The following GSE1 variants were observed in gnomAD, a reference collection of about 807,000 sequenced individuals.
The protein encoded by GSE1 is Gse1 coiled-coil protein, also known as genetic suppressor element 1.
GSE1 carries 32 observed loss-of-function variants against 112.6 expected under a neutral mutation model. The ratio of observed to expected loss-of-function variants is 0.28; its 90% CI spans 0.21 to 0.38. The LOEUF is 0.38. GSE1 is among the 10% of genes least tolerant of loss of function. The probability of loss-of-function intolerance (pLI) is 1.00; values close to 1 mark genes in which losing one functional copy is unlikely to be tolerated. For synonymous variants in GSE1, 1,115 were observed against 735.6 expected, an observed-to-expected ratio of 1.52 and a Z score of -8.35; for missense variants, 2,348 against 1,699.2, an observed-to-expected ratio of 1.38 and a Z score of -6.71.
At chr16:85,363,323 T>C (rs2047121910) in intron 2 of GSE1, among the ~76,000 whole-genome samples, 1 of 152,228 alleles carries the variant, frequency 6.6e-6, no homozygotes, top group African/African-American at 2.4e-5. Flanking sequence ...ATTGCCCCTT[T>C]GGGGCAGTCT....
chr16:85,296,724 G>A (rs1008411066), intron 1 of GSE1, among the ~76,000 whole-genome samples: 5 of 152,200 alleles, frequency 3.3e-5, no homozygotes, highest in African/African-American at 1.2e-4. Context: ...ACTGTGCACC[G>A]ATTCTTTCAG....
chr16:85,611,025 G>C (rs74031887), upstream of GSE1, among the ~76,000 whole-genome samples: 1 of 152,162 alleles, frequency 6.6e-6, no homozygotes, highest in Non-Finnish European at 1.5e-5. Flanking sequence ...TTCACCCCTG[G>C]CCCAAGGGCC....
intron 1 of GSE1, among the ~76,000 whole-genome samples, chr16:85,282,420 G>A (rs2151425025): frequency 6.6e-6 from 1 of 152,280 alleles, no homozygotes; most frequent in South Asian, 2.1e-4. Context: ...TCTCCTCCAG[G>A]TTTCTGAAAG....
intron 2 of GSE1, among the ~76,000 whole-genome samples, chr16:85,524,236 G>C (rs1475539499): frequency 6.6e-6 from 1 of 152,184 alleles, no homozygotes; most frequent in East Asian, 1.9e-4. Flanking sequence ...GATGTCAGCA[G>C]AGGTGACGCG....
intron 1 of GSE1, among the ~76,000 whole-genome samples, chr16:85,562,285 G>T (rs558238178): frequency 6.6e-6 from 1 of 152,296 alleles, no homozygotes; most frequent in South Asian, 2.1e-4. Context: ...TCCATCTGTC[G>T]GCTGGGAAAG....
intron 1 of GSE1, among the ~76,000 whole-genome samples, chr16:85,260,331 T>TC (rs1907554837): frequency 2.1e-5 from 3 of 142,718 alleles, no homozygotes; most frequent in African/African-American, 7.8e-5. Context: ...TTTTTTTTTT[T>TC]TTTTTTTTTT....
intron 2 of GSE1, among the ~76,000 whole-genome samples, chr16:85,488,300 G>A (rs940620659): frequency 6.6e-5 from 10 of 152,090 alleles, no homozygotes; most frequent in Admixed American, 2.0e-4. Flanking sequence ...TTGTCTGCCC[G>A]CCTCCGTTTA....
chr16:85,473,072 A>T (rs752949418), intron 2 of GSE1, among the ~76,000 whole-genome samples: 18 of 152,216 alleles, frequency 1.2e-4, no homozygotes, highest in Non-Finnish European at 2.2e-4. Context: ...GCAGGGCACA[A>T]GGGAGGCCTC....
intron 1 of GSE1, among the ~76,000 whole-genome samples, chr16:85,276,928 A>C (rs1053430896): frequency 6.6e-6 from 1 of 152,214 alleles, no homozygotes; most frequent in African/African-American, 2.4e-5. Flanking sequence ...GGTGCTGGGC[A>C]GCGTGGGTGG....
chr16:85,404,878 T>C lies in GSE1; in HGVS notation c.2464+47235T>C, dbSNP rs866046403. On this transcript the variant is annotated intron_variant, in intron 2 of 2. Coordinates refer to the GSE1 transcript ENST00000637419. ...TCAGGCCCCCCTGGATAATCCTCAC[T>C]GTTGCACTCAGGGCCCCCCGGATAA... is the stretch of plus-strand genomic sequence containing the variant. 2.5e-3 allele frequency among the ~76,000 whole-genome samples: 77 copies of C among 31,364 alleles called. 2 individuals carry two copies. Among genetic ancestry groups the C allele is most frequent in the African/African-American group, 0.012 (54 of 4,526 alleles). 20.6% of individuals were successfully genotyped at this position (31,364 alleles called of 152,430 possible).
At chr16:85,180,017 C>T (rs1024129658) in intron 1 of GSE1, among the ~76,000 whole-genome samples, 4 of 152,136 alleles carry the variant, frequency 2.6e-5, no homozygotes, top group Non-Finnish European at 2.9e-5. Flanking sequence ...CATGTGTTGG[C>T]GGGGGGCTGT....
upstream of GSE1, among the ~76,000 whole-genome samples, chr16:85,609,821 A>AT (rs925931992): frequency 1.1e-4 from 17 of 151,282 alleles, no homozygotes; most frequent in South Asian, 2.1e-4. Context: ...TGCAGGGCTA[A>AT]TTTTTTTTTG....
chr16:85,502,369 C>A (rs556712572), intron 2 of GSE1, among the ~76,000 whole-genome samples: 1 of 152,244 alleles, frequency 6.6e-6, no homozygotes, highest in Admixed American at 6.5e-5. Context: ...CCCTGAGCAC[C>A]GTCAGCTCAT....
At chr16:85,267,700 C>T (rs949909984) in intron 1 of GSE1, among the ~76,000 whole-genome samples, 2 of 152,202 alleles carry the variant, frequency 1.3e-5, no homozygotes, top group East Asian at 3.8e-4. Context: ...CTTTCCCTGA[C>T]CCCTGGGTTG....
chr16:85,614,211 C>T (rs1325457615), intron 1 of GSE1, among the ~76,000 whole-genome samples: 1 of 152,180 alleles, frequency 6.6e-6, no homozygotes, highest in East Asian at 1.9e-4. Context: ...CCTGGATGCG[C>T]CTCCCCGCCC....
At chr16:85,585,224 G>A (rs2046635839) in intron 1 of GSE1, among the ~76,000 whole-genome samples, 1 of 152,214 alleles carries the variant, frequency 6.6e-6, no homozygotes. Flanking sequence ...AGCCCTGCCT[G>A]CCCTGCTGTG....
intron 2 of GSE1, among the ~76,000 whole-genome samples, chr16:85,516,232 C>G (rs2051930947): frequency 6.6e-6 from 1 of 152,100 alleles, no homozygotes; most frequent in Non-Finnish European, 1.5e-5. Flanking sequence ...GGGCTGTGAT[C>G]TGGTGCCAGC....
At chr16:85,216,831 C>A (rs537546896) in intron 1 of GSE1, among the ~76,000 whole-genome samples, 1 of 152,248 alleles carries the variant, frequency 6.6e-6, no homozygotes, top group Non-Finnish European at 1.5e-5. Flanking sequence ...GCTGCTCAAA[C>A]CCACTCCTGT....
intron 2 of GSE1, among the ~76,000 whole-genome samples, chr16:85,426,366 G>A (rs1597721138): frequency 6.9e-6 from 1 of 145,748 alleles, no homozygotes; most frequent in South Asian, 2.3e-4. Flanking sequence ...GGGTGGGCTG[G>A]TGGATGAATG....
Sources: gnomAD v4.1 joint callset for allele counts (sites outside exome capture counted in the v4.1 genomes callset) on GRCh38, gnomAD v4.1.1 for gene constraint, MANE v1.5 for transcripts, NCBI Gene and HGNC (gene_info 2026-07-23, HGNC 2026-07-21) for gene names.